PTCH1: variants seen among roughly 807,000 people sequenced by gnomAD.
The protein encoded by PTCH1 is protein patched homolog 1.
A neutral mutation model predicts 144.6 loss-of-function variants in PTCH1; 14 were observed. That is an observed-to-expected ratio of 0.10 (90% CI 0.06 to 0.15). The LOEUF (loss-of-function observed/expected upper bound fraction) is 0.15, where lower values mean the gene tolerates loss of function less well. Among genes scored for constraint, PTCH1 ranks in the 10% least tolerant of loss-of-function variants. The probability of loss-of-function intolerance (pLI) is 1.00; values close to 1 mark genes in which losing one functional copy is unlikely to be tolerated. For missense variants in PTCH1, 1,623 were observed against 1,948.3 expected (o/e 0.83, Z 3.14); for synonymous variants, 833 against 793.6 (o/e 1.05, Z -0.83).
At chr9:95,513,231 C>T (rs1215794467), upstream of PTCH1, among the ~76,000 whole-genome samples, 4 of 152,196 alleles carry the variant, frequency 2.6e-5, no homozygotes, top group Non-Finnish European at 5.9e-5. Flanking sequence ...TTTAACTTTT[C>T]ACTGGTTTCT....
chr9:95,515,507 C>T (rs777257666), intron 1 of PTCH1, among the ~76,000 whole-genome samples: 2 of 152,212 alleles, frequency 1.3e-5, no homozygotes, highest in Non-Finnish European at 2.9e-5. Context: ...TGCTCATCCA[C>T]ACGCTAGCAT....
chr9:95,516,820 T>G lies in PTCH1; in HGVS notation c.-349A>C, dbSNP rs755103500. The G allele has an allele frequency of 4.4e-6, 7 of 1,600,458 alleles. No homozygotes were observed. Among genetic ancestry groups the G allele is most frequent in the Non-Finnish European group, 6.0e-6 (7 of 1,175,460 alleles). ...AGCCTGTTTCTATTAAGCAGTTCCATGGCCCTCGGCGTGGGTGGTCTGCCG... is the reference window on the plus strand; with the variant it reads ...AGCCTGTTTCTATTAAGCAGTTCCAGGGCCCTCGGCGTGGGTGGTCTGCCG... On this transcript the variant is annotated 5_prime_UTR_variant, in exon 1 of 23. Transcript: ENST00000430669.
intron 2 of PTCH1, among the ~76,000 whole-genome samples, chr9:95,501,269 AT>A (rs938121582): frequency 1.3e-5 from 2 of 151,972 alleles, no homozygotes; most frequent in Non-Finnish European, 2.9e-5. Context: ...TGCTACTGGC[AT>A]CTAGTAGGTA....
At chr9:95,499,963 C>T (rs148942754) in intron 2 of PTCH1, among the ~76,000 whole-genome samples, 1 of 151,636 alleles carries the variant, frequency 6.6e-6, no homozygotes, top group Admixed American at 6.6e-5. Context: ...TCAGCTTGCC[C>T]GAGTTTCAGC....
chr9:95,446,357 A>T lies in PTCH1; in HGVS notation c.*36T>A, dbSNP rs1837883563. 1.9e-6 allele frequency: 1 copy of T among 518,322 alleles called. No individual in the cohort carries two copies. The highest frequency in any genetic ancestry group is 1.4e-5 in the South Asian group (1 of 71,286). The allele number at this position is 518,322 out of a possible 1,614,324, so 32.1% of individuals were successfully genotyped here. A position where few individuals can be genotyped will look rare whatever the true frequency, so the allele number is the denominator to read the frequency against. On this transcript the variant is annotated 3_prime_UTR_variant, in exon 24 of 24. Transcript: ENST00000331920. ...AAAGAGGTGGGGGTGGGGGGTTTCC[A>T]ATCTTTGGCCTCTTTGCTTCAGATT...
chr9:95,499,900 A>G (rs1331029335), intron 2 of PTCH1, among the ~76,000 whole-genome samples: 1 of 151,894 alleles, frequency 6.6e-6, no homozygotes, highest in Non-Finnish European at 1.5e-5. Context: ...TTCTCCGCCC[A>G]ATTGTGACTC....
In PTCH1 at chr9:95,465,187, C is replaced by T. The variant is rs573570444; in HGVS notation, c.2560+1929G>A. 3.3e-5 allele frequency among the ~76,000 whole-genome samples: 5 copies of T among 152,266 alleles called. No homozygotes were observed. The East Asian group carries it at 9.7e-4, about 29-fold the overall frequency. ...AAAAGGTTAACCCTTTGCACTGCCT[C>T]GAGACAATCCCCCTTTACCCCCTTC... On this transcript the variant is annotated intron_variant, in intron 15 of 23. Coordinates refer to ENST00000331920, the MANE Select transcript of PTCH1 (RefSeq NM_000264.5).
chr9:95,508,279 G>A lies in PTCH1; in HGVS notation c.83C>T (p.Ala28Val), dbSNP rs1220641430. 3 of 1,559,970 alleles carry A rather than the reference G, an allele frequency of 1.9e-6. No individual in the cohort carries two copies. The highest frequency in any genetic ancestry group is 2.6e-6 in the Non-Finnish European group (3 of 1,156,198). ...SGCIGAPGRP[A>V]GGGRRRRTGG... ...CGTCCGTCTGCGCCTCCCGCCTCCA[G>A]CCGGCCGTCCCGGGGCACCGATACA... Residue 28 changes from alanine to valine, a missense_variant, in exon 1 of 24, where the codon GCT becomes GTT. Physicochemically the swap from Ala to Val is moderately conservative, Grantham distance 64. Transcript: ENST00000331920.
At chr9:95,490,520 G>GAC (rs35550307) in intron 2 of PTCH1, among the ~76,000 whole-genome samples, 8,385 of 140,262 alleles carry the variant, frequency 0.06, 253 homozygotes, top group East Asian at 0.095. Flanking sequence ...CCTTCTATGT[G>GAC]ACACACACAC....
intron 5 of PTCH1, 50 bp from the exon 6 acceptor site, chr9:95,480,638 A>G (rs1443857798): frequency 1.0e-5 from 16 of 1,564,702 alleles, no homozygotes; most frequent in African/African-American, 1.4e-5. Flanking sequence ...TTCTAAACGC[A>G]TCGTAAAGTA....
intron 5 of PTCH1, among the ~76,000 whole-genome samples, chr9:95,481,247 C>T (rs1588612291): frequency 2.0e-5 from 3 of 152,220 alleles, no homozygotes; most frequent in South Asian, 4.1e-4. Flanking sequence ...CCAGAAAACA[C>T]AAAACCCCTT....
At chr9:95,494,217 C>G (rs1842643231) in intron 2 of PTCH1, 2 of 985,704 alleles carry the variant, frequency 2.0e-6, no homozygotes, top group Non-Finnish European at 1.2e-6. Context: ...CTGTTATCAG[C>G]CTTGCCCAGG....
At chr9:95,459,447 G>A (rs763029925) in intron 17 of PTCH1, among the ~76,000 whole-genome samples, 153 bp downstream of exon 17, 16 of 152,102 alleles carry the variant, frequency 1.1e-4, no homozygotes, top group African/African-American at 3.9e-4. Context: ...ACACATCCTC[G>A]TCTCCCAGAG....
intron 1 of PTCH1, among the ~76,000 whole-genome samples, chr9:95,515,755 C>T (rs1844334967): frequency 6.6e-6 from 1 of 152,222 alleles, no homozygotes; most frequent in Non-Finnish European, 1.5e-5. Flanking sequence ...AAGAGTCACA[C>T]ACACCACCTC....
At position 95,446,184 on chromosome 9, in the gene PTCH1, C is replaced by T. The variant is rs1453182651; in HGVS notation, c.*209G>A. The T allele has an allele frequency of 2.9e-6, 1 of 348,684 alleles. No homozygotes were observed. The highest frequency in any genetic ancestry group is 2.1e-5 in the African/African-American group (1 of 46,782). The allele number at this position is 348,684 out of a possible 1,614,324, so 21.6% of individuals were successfully genotyped here. On this transcript the variant is annotated 3_prime_UTR_variant, in exon 24 of 24. Transcript: ENST00000331920. ...CAGATCATACCACTTTACATCCTTCCTTCCTATATTACACATGTGTACATC... is the reference window on the plus strand; with the variant it reads ...CAGATCATACCACTTTACATCCTTCTTTCCTATATTACACATGTGTACATC...
chr9:95,462,320 A>T (rs900387545), intron 15 of PTCH1, among the ~76,000 whole-genome samples: 3 of 152,212 alleles, frequency 2.0e-5, no homozygotes, highest in Non-Finnish European at 4.4e-5. Context: ...GTGCGACGGA[A>T]AGACACGCAC....
intron 2 of PTCH1, among the ~76,000 whole-genome samples, chr9:95,495,945 A>T (rs1173901767): frequency 1.3e-5 from 2 of 152,178 alleles, no homozygotes; most frequent in East Asian, 1.9e-4. Flanking sequence ...AGTGTGTGTG[A>T]GTGTGTGTGT....
At chr9:95,507,003 A>T (rs183777820) in intron 1 of PTCH1, 364 of 995,532 alleles carry the variant, frequency 3.7e-4, no homozygotes, top group Admixed American at 2.2e-3. Flanking sequence ...GAGCCAGCAA[A>T]CCAGTCCTGC....
chr9:95,484,410 A>G (rs1841818059), intron 3 of PTCH1: 1 of 152,214 alleles, frequency 6.6e-6, no homozygotes, highest in African/African-American at 2.4e-5. Flanking sequence ...ACAGATAAAC[A>G]AACAAGAATG....
Sources: gnomAD v4.1 joint callset for allele counts (sites outside exome capture counted in the v4.1 genomes callset) on GRCh38, gnomAD v4.1.1 for gene constraint, MANE v1.5 for transcripts, NCBI Gene and HGNC (gene_info 2026-07-23, HGNC 2026-07-21) for gene names.